PRSS36: variants seen among roughly 807,000 people sequenced by gnomAD.
The protein encoded by PRSS36 is serine protease 36, also known as polyserase-2.
In PRSS36, 90 loss-of-function variants were observed where a neutral mutation model predicts 94.3. The ratio of observed to expected loss-of-function variants is 0.95; its 90% CI spans 0.80 to 1.14. PRSS36 has a LOEUF of 1.14. PRSS36 is among the 50% of genes most tolerant of loss of function. The pLI is 0.00. For synonymous variants in PRSS36, 500 were observed against 489.6 expected, an observed-to-expected ratio of 1.02 and a Z score of -0.28; for missense variants, 1,158 against 1,135.0, an observed-to-expected ratio of 1.02 and a Z score of -0.29.
intron 2 of PRSS36, 50 bp downstream of exon 2, chr16:31,149,646 T>C: frequency 2.5e-6 from 4 of 1,613,278 alleles, no homozygotes; most frequent in Non-Finnish European, 3.4e-6. Context: ...GCCAGTCCTC[T>C]GGTCTTTTCT....
At position 31,143,735 on chromosome 16, in the gene PRSS36, C is replaced by G; in HGVS notation, c.823G>C (p.Val275Leu). Residue 275 changes from valine (V) to leucine (L), a missense_variant, in exon 7 of 15, where the codon GTT (valine) becomes CTT (leucine). By Grantham distance (32) the Val-to-Leu change is conservative. Coordinates refer to ENST00000268281, the MANE Select transcript of PRSS36 (RefSeq NM_173502.5). ...FGCGRRNRPG[V>L]FTAVATYEAW... ...TCATAGGTAGCCACAGCAGTGAAAA[C>G]TCCAGGGCGGTTTCTCCGTCCACAG... 2 of 1,614,160 alleles carry G rather than the reference C, an allele frequency of 1.2e-6. No individual in the cohort carries two copies. Among genetic ancestry groups the G allele is most frequent in the Non-Finnish European group, 1.7e-6 (2 of 1,180,030 alleles).
chr16:31,142,792 C>A lies in PRSS36; in HGVS notation c.1302G>T (p.Pro434=). 1 of 1,489,382 alleles carries A rather than the reference C, an allele frequency of 6.7e-7. No homozygotes were observed. Among genetic ancestry groups the A allele is most frequent in the East Asian group, 2.8e-5 (1 of 35,474 alleles). 92.3% of individuals were successfully genotyped at this position (1,489,382 alleles called of 1,614,324 possible). The change falls in exon 9 of 15, where the codon CCG becomes CCT. Residue 434 remains proline (P), a synonymous_variant. Transcript: ENST00000268281. The stretch of plus-strand genomic sequence containing the variant: ...GGCTCCCGGGCAGGAAGTAGTGTTC[C>A]GGGTGGGGTAGGCACACGGGCCGCG... The part of the protein sequence containing the change: ...AASRPVCLPH[P]EHYFLPGSRC...
Position 31,149,930 on chromosome 16 carries a change from T to A in PRSS36, c.37+69A>T, listed in dbSNP as rs556079542. On this transcript the variant is annotated intron_variant, in intron 1 of 14. Coordinates refer to ENST00000268281, the MANE Select transcript of PRSS36 (RefSeq NM_173502.5). ...CTGCTCCCCACACAGAAACCAGGAA[T>A]CCTGCTCTCCAGCCCCCCAGATGCC... 29 of 1,584,908 alleles carry A rather than the reference T, an allele frequency of 1.8e-5. No homozygotes were observed. The East Asian group carries it at 5.6e-4, about 31-fold the overall frequency.
intron 7 of PRSS36, 37 bp downstream of exon 7, chr16:31,143,551 C>T (rs780172498): frequency 2.2e-5 from 35 of 1,612,478 alleles, no homozygotes; most frequent in Non-Finnish European, 2.9e-5. Flanking sequence ...CTCACTCTCC[C>T]ATGTCCCGCT....
At position 31,139,431 on chromosome 16, in the gene PRSS36, C is replaced by T. The variant is rs761746639; in HGVS notation, c.2290-15G>A. On this transcript the variant is annotated splice_polypyrimidine_tract_variant and intron_variant, in intron 14 of 14. Coordinates refer to ENST00000268281, the MANE Select transcript of PRSS36 (RefSeq NM_173502.5). Reference sequence around the variant, plus strand: ...GCTGAGGTCATCTGCAGAGTTGGAGCGAGGCCACGTGGGTCTGCTGCCCTT... The same window carrying T: ...GCTGAGGTCATCTGCAGAGTTGGAGTGAGGCCACGTGGGTCTGCTGCCCTT... 2.0e-5 allele frequency: 32 copies of T among 1,607,368 alleles called. No individual in the cohort carries two copies. Among genetic ancestry groups the T allele is most frequent in the East Asian group, 8.9e-5 (4 of 44,726 alleles).
chr16:31,143,138 C>A, intron 8 of PRSS36, 145 bp from the exon 9 acceptor site: 1 of 1,317,014 alleles, frequency 7.6e-7, no homozygotes, highest in Non-Finnish European at 1.0e-6. Flanking sequence ...CACTCACACC[C>A]CCGCCTCCGG....
rs746616779 is a variant in PRSS36, at chr16:31,140,649, C to T, written c.2010G>A (p.Leu670=). The T allele has an allele frequency of 6.2e-6, 10 of 1,613,550 alleles. No individual in the cohort carries two copies. Among genetic ancestry groups the T allele is most frequent in the Non-Finnish European group, 8.5e-6 (10 of 1,179,836 alleles). The change falls in exon 13 of 15, where the codon CTG becomes CTA. Residue 670 remains leucine, a synonymous_variant. Coordinates refer to ENST00000268281, the MANE Select transcript of PRSS36 (RefSeq NM_173502.5). The part of the protein sequence containing the change: ...QVSRLVISIR[L]PQHLGLRPPL... ...GGGGCCTGAGTCCCAGGTGCTGGGG[C>T]AGCCGGATGCTGATGACCAAGCGGG...
Position 31,149,077 on chromosome 16 carries a change from T to C in PRSS36, c.268A>G (p.Met90Val). Residue 90 changes from methionine (M) to valine (V), a missense_variant, in exon 4 of 15, where the codon ATG (methionine) becomes GTG (valine). Physicochemically the swap from Met to Val is conservative, Grantham distance 21. Transcript: ENST00000268281. Reference protein sequence around the residue: ...SWVLSAAHCFMTNGTLEPAAE... With the variant: ...SWVLSAAHCFVTNGTLEPAAE... ...AGGACCAGGGCGAATACTCACGTCA[T>C]GAAACAGTGAGCAGCGGAGAGGACC... 2.5e-6 allele frequency: 4 copies of C among 1,593,034 alleles called. No individual in the cohort carries two copies. Among genetic ancestry groups the C allele is most frequent in the Non-Finnish European group, 3.4e-6 (4 of 1,171,802 alleles).
intron 10 of PRSS36, 148 bp from the exon 11 acceptor site, chr16:31,142,108 T>C (rs1596844628): frequency 2.8e-6 from 2 of 711,570 alleles, no homozygotes; most frequent in East Asian, 2.5e-5. Flanking sequence ...TACTAATTTG[T>C]GTAAGAATTC....
Position 31,141,783 on chromosome 16 carries a change from A to G in PRSS36, c.1699T>C (p.Trp567Arg), listed in dbSNP as rs371668366. Residue 567 changes from tryptophan (W) to arginine (R), a missense_variant, in exon 11 of 15, where the codon TGG becomes CGG. Transcript: ENST00000268281. ...AYLEDQLAWDWGPDGEETETQ... is the reference protein window; with the variant it reads ...AYLEDQLAWDRGPDGEETETQ... The stretch of plus-strand genomic sequence containing the variant: ...TCAGTCTCCTCCCCATCAGGGCCCC[A>G]ATCCCAGGCTAGCTGGTCCTCCAGG... 5.6e-6 allele frequency: 9 copies of G among 1,614,140 alleles called. No homozygotes were observed. Among genetic ancestry groups the G allele is most frequent in the Non-Finnish European group, 5.9e-6 (7 of 1,180,000 alleles).
intron 6 of PRSS36, 44 bp downstream of exon 6, chr16:31,145,745 T>G: frequency 3.2e-6 from 5 of 1,584,440 alleles, no homozygotes; most frequent in Non-Finnish European, 4.3e-6. Context: ...TGTCACTGGT[T>G]AGGACTCTGG....
intron 9 of PRSS36, 31 bp from the exon 10 acceptor site, chr16:31,142,675 G>A (rs2057723876): frequency 7.1e-7 from 1 of 1,407,280 alleles, no homozygotes; most frequent in East Asian, 2.8e-5. Flanking sequence ...AGCCCGCGCT[G>A]CGGCCCAGAC....
Position 31,148,619 on chromosome 16 carries a change from T to G in PRSS36, c.329A>C (p.Gln110Pro), listed in dbSNP as rs1253404344. 1.9e-6 allele frequency: 3 copies of G among 1,612,166 alleles called. No homozygotes were observed. The highest frequency in any genetic ancestry group is 2.7e-5 in the African/African-American group (2 of 74,918). The change falls in exon 5 of 15, where the codon CAG (glutamine) becomes CCG (proline). Residue 110 changes from glutamine (Q) to proline (P), a missense_variant. Coordinates refer to ENST00000268281, the MANE Select transcript of PRSS36 (RefSeq NM_173502.5). Reference sequence around the variant, plus strand: ...GTGCGCGCCGTCCAGGGGCCCGTCCTGGGAGTGCACGCCCAGCAGTACCGA... The same window carrying G: ...GTGCGCGCCGTCCAGGGGCCCGTCCGGGGAGTGCACGCCCAGCAGTACCGA... ...EWSVLLGVHS[Q>P]DGPLDGAHTR...
Position 31,140,596 on chromosome 16 carries a change from C to T in PRSS36, c.2063G>A (p.Arg688Gln), listed in dbSNP as rs368396607. The change falls in exon 13 of 15, where the codon CGG becomes CAG. Residue 688 changes from arginine (R) to glutamine (Q), a missense_variant. Transcript: ENST00000268281. ...PPLALLELSS[R>Q]VEPSPSALPI... The stretch of plus-strand genomic sequence containing the variant: ...CAGGGCTGATGGGGAGGGCTCCACC[C>T]GGGAGCTCAGCTCCAGGAGGGCCAG... 121 of 1,607,974 alleles carry T rather than the reference C, an allele frequency of 7.5e-5. No individual in the cohort carries two copies. The highest frequency in any genetic ancestry group is 1.1e-4 in the South Asian group (10 of 90,200).
chr16:31,148,468 C>A lies in PRSS36; in HGVS notation c.480G>T (p.Leu160=), dbSNP rs532551399. The A allele has an allele frequency of 4.4e-6, 7 of 1,574,918 alleles. No homozygotes were observed. Among genetic ancestry groups the A allele is most frequent in the South Asian group, 1.1e-5 (1 of 88,348 alleles). Residue 160 remains leucine, a synonymous_variant, in exon 5 of 15, where the codon CTG becomes CTT. Coordinates refer to ENST00000268281, the MANE Select transcript of PRSS36 (RefSeq NM_173502.5). The stretch of plus-strand genomic sequence containing the variant: ...GCACGAAGCGGTGTGAGGCGCGGGG[C>A]AGGCAGACAGGCCACACGGCGGGGC... The part of the protein sequence containing the change: ...SLGPAVWPVC[L]PRASHRFVHG...
chr16:31,139,320 T>C lies in PRSS36; in HGVS notation c.2386A>G (p.Ile796Val). The change falls in exon 15 of 15, where the codon ATT (isoleucine) becomes GTT (valine). Residue 796 changes from isoleucine to valine, a missense_variant. Physicochemically the swap from Ile to Val is conservative, Grantham distance 29. Transcript: ENST00000268281. ...VQGSRELFAA[I>V]GPEEAWISQT... ...GAGATCCAGGCCTCTTCAGGACCAA[T>C]GGCAGCAAACAGCTCCCGGCTCCCT... The C allele has an allele frequency of 1.2e-6, 2 of 1,614,124 alleles. No homozygotes were observed. The highest frequency in any genetic ancestry group is 1.7e-6 in the Non-Finnish European group (2 of 1,179,996).
intron 6 of PRSS36, among the ~76,000 whole-genome samples, chr16:31,144,198 G>C (rs146301124): frequency 6.6e-6 from 1 of 150,854 alleles, no homozygotes; most frequent in African/African-American, 2.4e-5. Context: ...TTTTTGAGAC[G>C]GAATCTCGCT....
rs1463145313 is a variant in PRSS36, at chr16:31,145,792, G to A, written c.717C>T (p.Cys239=). Residue 239 remains cysteine (C), a synonymous_variant, in exon 6 of 15, where the codon TGC becomes TGT. Transcript: ENST00000268281. ...AGGTGCCGGGGCCTTCCCTCACCTG[G>A]CAGGTGTCCCTGCGGCCCTCTGGGT... ...AGYPEGRRDT[C]QGDSGGPLVC... The A allele has an allele frequency of 6.2e-7, 1 of 1,612,404 alleles. No homozygotes were observed.
At chr16:31,143,556 C>A (rs1172872739) in intron 7 of PRSS36, 32 bp downstream of exon 7, 1 of 1,613,018 alleles carries the variant, frequency 6.2e-7, no homozygotes, top group Admixed American at 1.7e-5. Context: ...TCTCCCATGT[C>A]CCGCTTACAT....
Sources: allele counts gnomAD v4.1 joint callset (sites outside exome capture counted in the v4.1 genomes callset), GRCh38; gene constraint gnomAD v4.1.1; transcripts MANE v1.5; gene names NCBI Gene and HGNC (gene_info 2026-07-23, HGNC 2026-07-21).